The following CLUAP1 variants were observed in gnomAD, a reference collection of about 807,000 sequenced individuals.
CLUAP1 encodes the protein clusterin-associated protein 1.
A neutral mutation model predicts 55.0 loss-of-function variants in CLUAP1; 50 were observed. The ratio of observed to expected loss-of-function variants is 0.91; its 90% confidence interval spans 0.72 to 1.15. The LOEUF is 1.15. CLUAP1 is among the 50% of genes most tolerant of loss of function. The pLI, the probability that CLUAP1 is intolerant of heterozygous loss-of-function variation, is 0.00. For synonymous variants in CLUAP1, 195 were observed against 175.4 expected, an observed-to-expected ratio of 1.11 and a Z score of -0.88; for missense variants, 530 against 507.6, an observed-to-expected ratio of 1.04 and a Z score of -0.42.
intron 1 of CLUAP1, chr16:3,502,150 G>A (rs1323681352): frequency 2.0e-5 from 3 of 152,536 alleles, no homozygotes; most frequent in African/African-American, 7.3e-5. Flanking sequence ...GAGGCTAAGA[G>A]TGTTGGTTAC....
chr16:3,515,462 A>T, intron 5 of CLUAP1, 46 bp from the exon 6 acceptor site: 2 of 1,371,050 alleles, frequency 1.5e-6, no homozygotes, highest in Middle Eastern at 1.9e-4. Context: ...TGGTTTTGAG[A>T]ACTCCTTTTC....
At position 3,513,458 on chromosome 16, in the gene CLUAP1, G is replaced by A. The variant is rs116556979; in HGVS notation, c.495+980G>A. 4.0e-3 allele frequency among the ~76,000 whole-genome samples: 605 copies of A among 151,788 alleles called. 7 individuals are homozygous for A. Among genetic ancestry groups the A allele is most frequent in the African/African-American group, 0.014 (578 of 41,382 alleles). On this transcript the variant is annotated intron_variant, in intron 5 of 11. Transcript: ENST00000576634. ...GTTTATTTTTTATTTTTTTAATTTTGTTATTTTTTTTGAGACAGTCTCACT... is the reference window on the plus strand; with the variant it reads ...GTTTATTTTTTATTTTTTTAATTTTATTATTTTTTTTGAGACAGTCTCACT...
In CLUAP1 at chr16:3,507,509, G is replaced by T. The variant is rs904108029; in HGVS notation, c.220-780G>T. ...CGGGAGGTTGAGGCTGCAGTGAGCC[G>T]GGATCATGTCATTGCACTCCAGCCC... On this transcript the variant is annotated intron_variant, in intron 3 of 11. Transcript: ENST00000576634. Among the ~76,000 whole-genome samples, 7 of 151,260 alleles carry T rather than the reference G, an allele frequency of 4.6e-5. No individual in the cohort carries two copies. The South Asian group carries it at 1.5e-3, about 32-fold the overall frequency.
intron 9 of CLUAP1, among the ~76,000 whole-genome samples, chr16:3,528,954 T>C (rs1358534378): frequency 6.6e-6 from 1 of 152,162 alleles, no homozygotes; most frequent in Non-Finnish European, 1.5e-5. Context: ...TAGTCTGTTT[T>C]GTGCTGCTGT....
At chr16:3,528,728 A>C (rs150826408) in intron 9 of CLUAP1, among the ~76,000 whole-genome samples, 50 of 152,242 alleles carry the variant, frequency 3.3e-4, no homozygotes, top group Non-Finnish European at 5.4e-4. Flanking sequence ...TAGCTCTTAC[A>C]TTTAGGTCTC....
At chr16:3,512,305 G>A in intron 4 of CLUAP1, 78 bp from the exon 5 acceptor site, 3 of 1,091,182 alleles carry the variant, frequency 2.7e-6, no homozygotes, top group Non-Finnish European at 4.2e-6. Flanking sequence ...AGAGCAGCCT[G>A]GGTAACATAG....
intron 5 of CLUAP1, among the ~76,000 whole-genome samples, 176 bp downstream of exon 5, chr16:3,512,654 TC>T (rs1335147171): frequency 6.6e-6 from 1 of 152,130 alleles, no homozygotes; most frequent in Non-Finnish European, 1.5e-5. Flanking sequence ...TGGGCACTGG[TC>T]TAGCTTTATT....
chr16:3,515,672 C>T (rs2037716913), intron 6 of CLUAP1, 81 bp downstream of exon 6: 2 of 936,382 alleles, frequency 2.1e-6, no homozygotes, highest in South Asian at 1.8e-5. Flanking sequence ...CAAGACAGAA[C>T]AAGCTAGGCT....
upstream of CLUAP1, chr16:3,500,882 C>T (rs1014774862): frequency 1.6e-6 from 1 of 634,818 alleles, no homozygotes; most frequent in East Asian, 2.8e-5. Context: ...CTCAGGAGCG[C>T]TCTCTGCCGG....
chr16:3,496,773 C>G (rs2037316985), upstream of CLUAP1: 1 of 445,274 alleles, frequency 2.2e-6, no homozygotes, highest in East Asian at 5.9e-5. Flanking sequence ...AAAAACGAAC[C>G]CTCTTATTAA....
At chr16:3,500,402 G>A (rs1302306985), upstream of CLUAP1, among the ~76,000 whole-genome samples, 1 of 141,686 alleles carries the variant, frequency 7.1e-6, no homozygotes, top group East Asian at 2.1e-4. Context: ...ACAGAGTCTC[G>A]CTCTGTCGCC....
chr16:3,530,461 A>G, intron 9 of CLUAP1, 107 bp from the exon 10 acceptor site: 1 of 746,600 alleles, frequency 1.3e-6, no homozygotes, highest in Admixed American at 2.3e-5. Context: ...TCCTGGATAG[A>G]ATAAGAAATG....
At chr16:3,503,615 G>C (rs2037449785) in intron 1 of CLUAP1, among the ~76,000 whole-genome samples, 1 of 151,602 alleles carries the variant, frequency 6.6e-6, no homozygotes, top group Non-Finnish European at 1.5e-5. Context: ...TTTTGTTTTT[G>C]AGACAGGGTC....
At chr16:3,495,594 G>T in the CLUAP1 span, 1 of 1,366,698 alleles carries the variant, frequency 7.3e-7, no homozygotes, top group Non-Finnish European at 9.7e-7. Flanking sequence ...CAGTGCCCAA[G>T]GCAAGGGCAG....
intron 9 of CLUAP1, among the ~76,000 whole-genome samples, chr16:3,527,325 A>G (rs1315722228): frequency 1.3e-5 from 2 of 152,172 alleles, no homozygotes; most frequent in Non-Finnish European, 2.9e-5. Context: ...AAAACAGGCC[A>G]TACAGATATA....
intron 1 of CLUAP1, 99 bp from the exon 2 acceptor site, chr16:3,504,621 T>C (rs2037467250): frequency 8.1e-6 from 6 of 742,448 alleles, no homozygotes; most frequent in Middle Eastern, 2.3e-4. Context: ...AAGCTGTCAA[T>C]AGGTTGGAAA....
chr16:3,504,843 A>C lies in CLUAP1; in HGVS notation c.134+12A>C, dbSNP rs750295230. The C allele has an allele frequency of 7.2e-7, 1 of 1,393,428 alleles. No individual in the cohort carries two copies. 86.3% of individuals were successfully genotyped at this position (1,393,428 alleles called of 1,614,324 possible). On this transcript the variant is annotated intron_variant, in intron 2 of 11. Coordinates refer to ENST00000576634, the MANE Select transcript of CLUAP1 (RefSeq NM_015041.3). The stretch of plus-strand genomic sequence containing the variant: ...TGGCTTGTGAAAAGGTTCGAACGGC[A>C]CTTTATTGACATCTAAGAGTGAATA...
At chr16:3,526,366 C>A in intron 8 of CLUAP1, 46 bp from the exon 9 acceptor site, 5 of 1,365,768 alleles carry the variant, frequency 3.7e-6, no homozygotes, top group Non-Finnish European at 5.0e-6. Flanking sequence ...ATAGAACAGT[C>A]CAGAAAAGGG....
chr16:3,519,233 T>A (rs546604817), intron 6 of CLUAP1, among the ~76,000 whole-genome samples: 19 of 152,356 alleles, frequency 1.2e-4, no homozygotes, highest in South Asian at 6.2e-4. Context: ...TCAGCCTCTG[T>A]TGCCCAAGGG....
Sources: allele counts gnomAD v4.1 joint callset (sites outside exome capture counted in the v4.1 genomes callset), GRCh38; gene constraint gnomAD v4.1.1; transcripts MANE v1.5; gene names NCBI Gene and HGNC (gene_info 2026-07-23, HGNC 2026-07-21).